VWA8: variants seen among roughly 807,000 people sequenced by gnomAD.
VWA8 encodes von Willebrand factor A domain-containing protein 8.
VWA8 carries 221 observed loss-of-function variants against 241.5 expected under a neutral mutation model. The observed-to-expected ratio is 0.91, with a 90% CI of 0.82 to 1.02. The LOEUF (loss-of-function observed/expected upper bound fraction) is 1.02. VWA8 is among the 50% of genes least tolerant of loss of function. VWA8 has a pLI of 0.00. For missense variants in VWA8, 2,322 were observed against 2,328.7 expected (o/e 1.00, Z 0.06); for synonymous variants, 852 against 827.1 (o/e 1.03, Z -0.52).
At chr13:41,609,125 A>C (rs984565020) in intron 39 of VWA8, among the ~76,000 whole-genome samples, 1 of 151,910 alleles carries the variant, frequency 6.6e-6, no homozygotes, top group South Asian at 2.1e-4. Context: ...CTGGGGTTAT[A>C]CTAGAGCACA....
intron 12 of VWA8, among the ~76,000 whole-genome samples, chr13:41,861,389 C>T (rs962616236): frequency 6.6e-6 from 1 of 152,086 alleles, no homozygotes; most frequent in African/African-American, 2.4e-5. Flanking sequence ...TTTTTAACAA[C>T]TGGAATAAGA....
In VWA8 at chr13:41,891,578, G is replaced by T; in HGVS notation, c.493C>A (p.Arg165Ser). 6.2e-7 allele frequency: 1 copy of T among 1,614,080 alleles called. No individual in the cohort carries two copies. Among genetic ancestry groups the T allele is most frequent in the Non-Finnish European group, 8.5e-7 (1 of 1,179,998 alleles). Residue 165 changes from arginine (R) to serine (S), a missense_variant, in exon 5 of 45, where the codon CGT becomes AGT. Physicochemically the swap from Arg to Ser is moderately radical, Grantham distance 110. Transcript: ENST00000379310. ...AGAGTTCTGCCTTCTGTGGCTGCACGAACTGCACACTATTTCCAAGAAACG... is the reference window on the plus strand; with the variant it reads ...AGAGTTCTGCCTTCTGTGGCTGCACTAACTGCACACTATTTCCAAGAAACG... ...TAFYIDQCAV[R>S]AATEGRTLIL...
At chr13:41,848,383 CA>C (rs1872379637) in intron 12 of VWA8, among the ~76,000 whole-genome samples, 1 of 152,158 alleles carries the variant, frequency 6.6e-6, no homozygotes, top group Admixed American at 6.5e-5. Flanking sequence ...GTTGAACTCT[CA>C]GGGTAATATG....
intron 1 of VWA8, among the ~76,000 whole-genome samples, chr13:41,959,933 A>T (rs1048701751): frequency 6.6e-6 from 1 of 152,118 alleles, no homozygotes; most frequent in Non-Finnish European, 1.5e-5. Flanking sequence ...TAGCAAGGAA[A>T]ACTGGGGGTT....
At chr13:41,581,423 C>T (rs1010564053) in intron 42 of VWA8, among the ~76,000 whole-genome samples, 24 of 152,210 alleles carry the variant, frequency 1.6e-4, no homozygotes, top group Admixed American at 3.3e-4. Context: ...CTTTCTAATT[C>T]TTCCTTTCCT....
chr13:41,727,142 C>A, intron 24 of VWA8, 52 bp downstream of exon 24: 1 of 1,365,852 alleles, frequency 7.3e-7, no homozygotes, highest in Non-Finnish European at 1.0e-6. Context: ...AGCAGTGTTA[C>A]TAATATTATT....
chr13:41,645,667 A>T (rs535747702), intron 37 of VWA8, among the ~76,000 whole-genome samples: 1 of 152,316 alleles, frequency 6.6e-6, no homozygotes, highest in African/African-American at 2.4e-5. Context: ...TGACTGTTCC[A>T]TGAAAGACTT....
intron 17 of VWA8, among the ~76,000 whole-genome samples, chr13:41,804,645 T>C (rs1870105904): frequency 6.6e-6 from 1 of 152,204 alleles, no homozygotes; most frequent in Non-Finnish European, 1.5e-5. Flanking sequence ...TTGTAGTATG[T>C]AAACTACTTA....
intron 3 of VWA8, among the ~76,000 whole-genome samples, chr13:41,911,047 T>C (rs1160109716): frequency 6.7e-6 from 1 of 149,974 alleles, no homozygotes; most frequent in African/African-American, 2.4e-5. Context: ...CGGAAAACAT[T>C]TGTACATTTT....
At chr13:41,760,744 A>T (rs1379181227) in intron 21 of VWA8, among the ~76,000 whole-genome samples, 1 of 151,966 alleles carries the variant, frequency 6.6e-6, no homozygotes, top group East Asian at 1.9e-4. Context: ...TGGGTTCCTT[A>T]TCTCATACCT....
intron 27 of VWA8, 122 bp downstream of exon 27, chr13:41,703,181 G>A (rs2045260700): frequency 2.6e-6 from 2 of 781,566 alleles, no homozygotes; most frequent in Non-Finnish European, 4.1e-6. Context: ...TTGAAAGTTA[G>A]AGCAGAAGCT....
rs113418881 is a variant in VWA8, at chr13:41,659,221, T to C, written c.4611+11725A>G. On this transcript the variant is annotated intron_variant, in intron 37 of 44. Transcript: ENST00000379310. ...CTTTTCCTACCTCTCCAGTCAGAAG[T>C]ATGTAAGAACGTGGCTATGGGTAAG... Among the ~76,000 whole-genome samples the C allele has an allele frequency of 9.6e-4, 146 of 152,282 alleles. 4 individuals are homozygous for C. The highest frequency in any genetic ancestry group is 3.2e-3 in the African/African-American group (134 of 41,562).
rs766750303 is a variant in VWA8, at chr13:41,568,197, T to C, written c.5718A>G (p.Ter1906=). 6.2e-7 allele frequency: 1 copy of C among 1,612,990 alleles called. No individual in the cohort carries two copies. Among genetic ancestry groups the C allele is most frequent in the South Asian group, 1.1e-5 (1 of 91,054 alleles). The change falls in exon 45 of 45, where the codon TAA becomes TAG. Residue 1906 remains the stop codon, a stop_retained_variant. Coordinates refer to ENST00000379310, the MANE Select transcript of VWA8 (RefSeq NM_015058.2). ...IFTSTMLSSV[*] ...TCATCAGGGTGATGAAGGGCACTTC[T>C]TAGACACTCGACAACATGGTGGAGG...
At chr13:41,920,258 G>A (rs545793649) in intron 2 of VWA8, among the ~76,000 whole-genome samples, 2 of 152,166 alleles carry the variant, frequency 1.3e-5, no homozygotes, top group South Asian at 4.2e-4. Flanking sequence ...CTATTCCCTG[G>A]GGCCTGAACC....
At chr13:41,896,916 AATG>A (rs754684570) in intron 4 of VWA8, among the ~76,000 whole-genome samples, 3 of 152,314 alleles carry the variant, frequency 2.0e-5, no homozygotes, top group South Asian at 4.2e-4. Context: ...ATCTAAAGGA[AATG>A]ATAAGTGTAC....
At chr13:41,868,217 C>T (rs1873401964) in intron 10 of VWA8, 129 bp downstream of exon 10, 1 of 1,026,384 alleles carries the variant, frequency 9.7e-7, no homozygotes, top group Non-Finnish European at 1.4e-6. Context: ...GAGACATAGA[C>T]ATATAGATAC....
chr13:41,893,006 A>G (rs963392636), intron 4 of VWA8, among the ~76,000 whole-genome samples: 6 of 152,304 alleles, frequency 3.9e-5, no homozygotes, highest in South Asian at 2.1e-4. Context: ...CCTTCTACAC[A>G]TGTACATACC....
At chr13:41,692,132 A>G (rs373119972) in intron 30 of VWA8, among the ~76,000 whole-genome samples, 194 bp from the exon 31 acceptor site, 2 of 152,098 alleles carry the variant, frequency 1.3e-5, no homozygotes, top group African/African-American at 4.8e-5. Context: ...ATTTACTGTG[A>G]ACTTTGTACT....
chr13:41,831,058 G>A (rs1306244257), intron 13 of VWA8, among the ~76,000 whole-genome samples: 1 of 152,146 alleles, frequency 6.6e-6, no homozygotes, highest in Non-Finnish European at 1.5e-5. Flanking sequence ...GGAATTACAA[G>A]ATTTAAAAAT....
Sources: allele counts gnomAD v4.1 joint callset (sites outside exome capture counted in the v4.1 genomes callset), GRCh38; gene constraint gnomAD v4.1.1; transcripts MANE v1.5; gene names NCBI Gene and HGNC (gene_info 2026-07-23, HGNC 2026-07-21).